Variants in PLEKHG1 observed in about 807,000 individuals in gnomAD.
PLEKHG1 encodes the protein pleckstrin homology domain-containing family G member 1.
In PLEKHG1, 44 loss-of-function variants were observed where a neutral mutation model predicts 100.8. That is an observed-to-expected ratio of 0.44 (90% CI 0.34 to 0.56). The LOEUF is 0.56. PLEKHG1 is among the 20% of genes least tolerant of loss of function. The pLI, the probability that PLEKHG1 is intolerant of heterozygous loss-of-function variation, is 0.01. For synonymous variants in PLEKHG1, 640 were observed against 662.5 expected, an observed-to-expected ratio of 0.97 and a Z score of 0.52; for missense variants, 1,545 against 1,720.9, an observed-to-expected ratio of 0.90 and a Z score of 1.81.
At chr6:150,730,016 T>C (rs1025411065) in intron 1 of PLEKHG1, among the ~76,000 whole-genome samples, 1 of 152,188 alleles carries the variant, frequency 6.6e-6, no homozygotes, top group African/African-American at 2.4e-5. Context: ...ATATTGGGTA[T>C]CTAATATAAA....
At chr6:150,840,607 C>T (rs778224530) in exon 16 of PLEKHG1, 22 of 1,614,088 alleles carry the variant, frequency 1.4e-5, no homozygotes, top group Middle Eastern at 3.3e-4. Flanking sequence ...GAAGATGAGT[C>T]GGAGTTGGAG....
chr6:150,613,959 T>C (rs1776956718), intron 1 of PLEKHG1, among the ~76,000 whole-genome samples: 1 of 152,238 alleles, frequency 6.6e-6, no homozygotes, highest in African/African-American at 2.4e-5. Flanking sequence ...GTTAGTCAGA[T>C]TTCCCTGTTA....
intron 3 of PLEKHG1, among the ~76,000 whole-genome samples, chr6:150,656,247 A>T (rs1171759738): frequency 6.6e-6 from 1 of 152,086 alleles, no homozygotes; most frequent in African/African-American, 2.4e-5. Flanking sequence ...GGGGGTCCCT[A>T]ACTATTCTTG....
At chr6:150,627,138 A>G (rs1440319076) in intron 1 of PLEKHG1, among the ~76,000 whole-genome samples, 1 of 152,238 alleles carries the variant, frequency 6.6e-6, no homozygotes, top group African/African-American at 2.4e-5. Context: ...CATATCAGAC[A>G]TGTTTGTTTA....
At chr6:150,648,629 CA>C (rs1778593509) in intron 2 of PLEKHG1, among the ~76,000 whole-genome samples, 1 of 152,134 alleles carries the variant, frequency 6.6e-6, no homozygotes, top group Non-Finnish European at 1.5e-5. Flanking sequence ...TTATCTAAGT[CA>C]AACATGCCTC....
intron 3 of PLEKHG1, among the ~76,000 whole-genome samples, chr6:150,700,258 C>T (rs1223637088): frequency 6.6e-6 from 1 of 152,204 alleles, no homozygotes; most frequent in Non-Finnish European, 1.5e-5. Context: ...CACAGTGAGG[C>T]ATGCAGAAGC....
At chr6:150,613,319 AC>A (rs906863582) in intron 1 of PLEKHG1, among the ~76,000 whole-genome samples, 2 of 152,154 alleles carry the variant, frequency 1.3e-5, no homozygotes, top group African/African-American at 4.8e-5. Flanking sequence ...GATCCTTCTT[AC>A]CCCACTCATT....
exon 16 of PLEKHG1, chr6:150,839,962 A>C: frequency 6.2e-7 from 1 of 1,614,000 alleles, no homozygotes; most frequent in Non-Finnish European, 8.5e-7. Flanking sequence ...TCACCTTCCC[A>C]GGTCCACCAT....
chr6:150,737,572 G>A (rs1361800015), intron 2 of PLEKHG1, among the ~76,000 whole-genome samples: 3 of 152,142 alleles, frequency 2.0e-5, no homozygotes, highest in East Asian at 3.9e-4. Context: ...GATTACAGGC[G>A]TGAGCCACCG....
At chr6:150,733,960 G>A in exon 2 of PLEKHG1, 8 of 1,614,186 alleles carry the variant, frequency 5.0e-6, no homozygotes, top group Admixed American at 1.7e-5. Context: ...AGTGGAGAGT[G>A]GACTCAAACG....
chr6:150,819,680 T>C, exon 12 of PLEKHG1: 1 of 1,598,824 alleles, frequency 6.3e-7, no homozygotes, highest in Non-Finnish European at 8.6e-7. Flanking sequence ...TCTTTACAGA[T>C]CATCCAGGCT....
intron 1 of PLEKHG1, among the ~76,000 whole-genome samples, chr6:150,602,012 G>A (rs1247660640): frequency 1.3e-5 from 2 of 152,150 alleles, no homozygotes; most frequent in Non-Finnish European, 2.9e-5. Context: ...AATAGGAAGT[G>A]GCAACATAAT....
intron 1 of PLEKHG1, among the ~76,000 whole-genome samples, chr6:150,634,249 C>CAAA: frequency 9.2e-6 from 1 of 108,928 alleles, no homozygotes; most frequent in South Asian, 2.6e-4. Context: ...GATCTCCCCC[C>CAAA]CAAAAAAAAA....
At chr6:150,785,940 T>A (rs760234139) in intron 3 of PLEKHG1, among the ~76,000 whole-genome samples, 1 of 151,988 alleles carries the variant, frequency 6.6e-6, no homozygotes, top group East Asian at 1.9e-4. Flanking sequence ...ATCCCCACAA[T>A]CCAGTCTGTG....
chr6:150,819,683 T>C, exon 12 of PLEKHG1: 1 of 1,602,234 alleles, frequency 6.2e-7, no homozygotes. Context: ...TTACAGATCA[T>C]CCAGGCTTCT....
intron 4 of PLEKHG1, among the ~76,000 whole-genome samples, chr6:150,787,392 C>T (rs562039886): frequency 6.6e-6 from 1 of 152,298 alleles, no homozygotes; most frequent in East Asian, 1.9e-4. Flanking sequence ...TACAATGTGG[C>T]CTTTCCTACA....
chr6:150,745,885 C>T (rs1257680485), intron 2 of PLEKHG1, among the ~76,000 whole-genome samples: 5 of 152,058 alleles, frequency 3.3e-5, no homozygotes, highest in Non-Finnish European at 7.4e-5. Context: ...ATGGAAGCCA[C>T]CAGCTGCCCA....
intron 1 of PLEKHG1, among the ~76,000 whole-genome samples, chr6:150,729,861 C>T (rs1482874394): frequency 1.3e-5 from 2 of 151,826 alleles, no homozygotes; most frequent in African/African-American, 2.4e-5. Context: ...TAAGATCTAT[C>T]CATGAAGGGG....
intron 3 of PLEKHG1, among the ~76,000 whole-genome samples, chr6:150,677,915 G>A (rs1462563899): frequency 6.6e-6 from 1 of 150,438 alleles, no homozygotes; most frequent in African/African-American, 2.5e-5. Flanking sequence ...GTCAGTACAA[G>A]TATTATATTA....
Sources: allele counts gnomAD v4.1 joint callset (sites outside exome capture counted in the v4.1 genomes callset), GRCh38; gene constraint gnomAD v4.1.1; transcripts MANE v1.5; gene names NCBI Gene and HGNC (gene_info 2026-07-23, HGNC 2026-07-21).